Variants in GGA2 observed in about 807,000 individuals in gnomAD.
The protein encoded by GGA2 is golgi associated, gamma adaptin ear containing, ARF binding protein 2.
GGA2 carries 48 observed loss-of-function variants against 79.5 expected under a neutral mutation model. The observed-to-expected ratio is 0.60, with a 90% CI of 0.48 to 0.77. The LOEUF (loss-of-function observed/expected upper bound fraction) is 0.77, where lower values mean the gene tolerates loss of function less well. GGA2 is among the 30% of genes least tolerant of loss of function. The pLI is 0.00. For missense variants in GGA2, 770 were observed against 774.0 expected (o/e 0.99, Z 0.06); for synonymous variants, 317 against 302.0 (o/e 1.05, Z -0.51).
chr16:23,473,330 CTTTTTTTTTTTTT>C (rs34972165), intron 14 of GGA2, among the ~76,000 whole-genome samples: 3 of 70,692 alleles, frequency 4.2e-5, no homozygotes, highest in Admixed American at 2.6e-4. Context: ...CTTTTCTAGT[CTTTTTTTTTTTTT>C]TTTTTTTTTT....
Position 23,467,587 on chromosome 16 carries a change from A to C in GGA2, c.*3T>G, listed in dbSNP as rs1964457006. On this transcript the variant is annotated 3_prime_UTR_variant, in exon 17 of 17. Coordinates refer to ENST00000309859, the MANE Select transcript of GGA2 (RefSeq NM_015044.4). ...TGAAATGAAGGGTCCATCTTGTGAA[A>C]AGTTAGGCTGCGCCCAAGACAGCCA... The C allele has an allele frequency of 6.8e-7, 1 of 1,462,488 alleles. No homozygotes were observed. The highest frequency in any genetic ancestry group is 1.4e-5 in the African/African-American group (1 of 71,994). 90.6% of individuals were successfully genotyped at this position (1,462,488 alleles called of 1,614,324 possible).
chr16:23,494,961 T>C (rs1964836103), intron 2 of GGA2, among the ~76,000 whole-genome samples: 2 of 151,880 alleles, frequency 1.3e-5, no homozygotes, highest in Non-Finnish European at 2.9e-5. Flanking sequence ...GGCACGCGCC[T>C]GTAATCCCAG....
intron 2 of GGA2, chr16:23,495,271 G>T: frequency 6.5e-6 from 1 of 154,272 alleles, no homozygotes; most frequent in Non-Finnish European, 1.4e-5. Context: ...TAGGTAACGT[G>T]TCTATAGTCT....
intron 15 of GGA2, 30 bp from the exon 16 acceptor site, chr16:23,469,026 T>A: frequency 7.6e-7 from 1 of 1,316,896 alleles, no homozygotes; most frequent in Non-Finnish European, 1.1e-6. Flanking sequence ...AACATGTAAC[T>A]CATTCCTAAC....
In GGA2 at chr16:23,477,451, A is replaced by T. The variant is rs559536075; in HGVS notation, c.1292+917T>A. 1.2e-3 allele frequency among the ~76,000 whole-genome samples: 189 copies of T among 152,324 alleles called. 1 individual carries two copies. The highest frequency in any genetic ancestry group is 4.5e-3 in the African/African-American group (186 of 41,570). On this transcript the variant is annotated intron_variant, in intron 13 of 16. Transcript: ENST00000309859. ...ATTCTCTCGTCTGCTGCCACATAAG[A>T]CACGCCTTTTGGCTGAGTGTGGTGG...
chr16:23,490,627 C>G (rs367550356), intron 5 of GGA2, among the ~76,000 whole-genome samples: 1 of 151,362 alleles, frequency 6.6e-6, no homozygotes, highest in African/African-American at 2.4e-5. Context: ...CCCAGCTACT[C>G]GAGAAGCTGA....
At chr16:23,513,078 C>T (rs1965083103), upstream of GGA2, among the ~76,000 whole-genome samples, 1 of 152,190 alleles carries the variant, frequency 6.6e-6, no homozygotes, top group African/African-American at 2.4e-5. Flanking sequence ...CGGCTTTCCA[C>T]ATTTCAACAA....
intron 1 of GGA2, among the ~76,000 whole-genome samples, chr16:23,508,703 G>A (rs1567371320): frequency 6.6e-6 from 1 of 152,038 alleles, no homozygotes; most frequent in Non-Finnish European, 1.5e-5. Context: ...AGCTTCTCCC[G>A]CAAGCTCACT....
At position 23,482,963 on chromosome 16, in the gene GGA2, G is replaced by C; in HGVS notation, c.840C>G (p.Phe280Leu). 2.5e-6 allele frequency: 4 copies of C among 1,612,802 alleles called. No individual in the cohort carries two copies. Among genetic ancestry groups the C allele is most frequent in the Non-Finnish European group, 3.4e-6 (4 of 1,178,820 alleles). ...ERCEKLRPTL[F>L]RLASDTTDDD... ...CATCAGTGGTGTCACTCGCCAACCG[G>C]AACAGCGTGGGCCGCAGCTTTTCAC... The change falls in exon 9 of 17, where the codon TTC (phenylalanine) becomes TTG (leucine). Residue 280 changes from phenylalanine to leucine, a missense_variant. Phe to Leu is a conservative substitution (Grantham distance 22, BLOSUM62 0). Transcript: ENST00000309859.
At chr16:23,514,987 A>G (rs991857120), upstream of GGA2, among the ~76,000 whole-genome samples, 2 of 152,164 alleles carry the variant, frequency 1.3e-5, no homozygotes, top group African/African-American at 4.8e-5. Context: ...TCTGGAGACC[A>G]CAACAGAAAG....
chr16:23,500,316 G>A (rs932156344), intron 1 of GGA2, among the ~76,000 whole-genome samples: 6 of 152,258 alleles, frequency 3.9e-5, no homozygotes, highest in Non-Finnish European at 7.3e-5. Flanking sequence ...AGAGGAGCCA[G>A]GAGCCGAGCT....
At chr16:23,475,716 C>T (rs945999374) in intron 13 of GGA2, among the ~76,000 whole-genome samples, 4 of 150,050 alleles carry the variant, frequency 2.7e-5, no homozygotes, top group Middle Eastern at 3.2e-3. Context: ...CCAGCCCGGC[C>T]GACATGGTGA....
rs540309695 is a variant in GGA2 at position 23,499,016 on chromosome 16, G to A, written c.92-3238C>T. Reference sequence around the variant, plus strand: ...AGAGCAGAGGCAGGAAGAGAACAGGGGGAGGCAGGGAGAGAACAGGAGAGG... The same window carrying A: ...AGAGCAGAGGCAGGAAGAGAACAGGAGGAGGCAGGGAGAGAACAGGAGAGG... On this transcript the variant is annotated intron_variant, in intron 1 of 16. Coordinates refer to ENST00000309859, the MANE Select transcript of GGA2 (RefSeq NM_015044.4). Among the ~76,000 whole-genome samples, 8 of 152,174 alleles carry A rather than the reference G, an allele frequency of 5.3e-5. No individual in the cohort carries two copies. In the South Asian group the frequency reaches 1.7e-3, roughly 32 times the overall value.
chr16:23,503,613 A>C (rs1964942984), intron 1 of GGA2, among the ~76,000 whole-genome samples: 1 of 152,228 alleles, frequency 6.6e-6, no homozygotes, highest in South Asian at 2.1e-4. Context: ...ATCATTGTTA[A>C]ATTTTTAAAT....
chr16:23,488,801 T>C, intron 5 of GGA2, 92 bp from the exon 6 acceptor site: 1 of 722,302 alleles, frequency 1.4e-6, no homozygotes, highest in South Asian at 1.6e-5. Flanking sequence ...CCCTGGTTCC[T>C]AATACCATGC....
chr16:23,503,167 C>T (rs185491156), intron 1 of GGA2, among the ~76,000 whole-genome samples: 65 of 152,328 alleles, frequency 4.3e-4, no homozygotes, highest in Admixed American at 9.8e-4. Flanking sequence ...TTTGCTTTCA[C>T]AATACAGTGG....
At chr16:23,492,727 G>A (rs769994440) in intron 4 of GGA2, among the ~76,000 whole-genome samples, 4 of 152,086 alleles carry the variant, frequency 2.6e-5, no homozygotes, top group East Asian at 1.9e-4. Flanking sequence ...AATATGGGGC[G>A]GTGGGGGTCA....
chr16:23,484,783 C>T (rs572357092), intron 8 of GGA2, among the ~76,000 whole-genome samples: 196 of 152,298 alleles, frequency 1.3e-3, no homozygotes, highest in African/African-American at 4.5e-3. Flanking sequence ...ATGGCATGGC[C>T]ACTTTGGAAA....
intron 5 of GGA2, among the ~76,000 whole-genome samples, chr16:23,490,628 G>C (rs977574208): frequency 6.6e-6 from 1 of 151,646 alleles, no homozygotes; most frequent in Admixed American, 6.6e-5. Flanking sequence ...CCAGCTACTC[G>C]AGAAGCTGAG....
Sources: allele counts gnomAD v4.1 joint callset (sites outside exome capture counted in the v4.1 genomes callset), GRCh38; gene constraint gnomAD v4.1.1; transcripts MANE v1.5; gene names NCBI Gene and HGNC (gene_info 2026-07-23, HGNC 2026-07-21).